CSTL1: variants seen among roughly 807,000 people sequenced by gnomAD.
CSTL1 encodes cystatin-like 1.
Under a neutral mutation model 14.4 loss-of-function variants are expected in CSTL1, and 14 were observed. That is an observed-to-expected ratio of 0.97 (90% CI 0.64 to 1.52). The LOEUF (loss-of-function observed/expected upper bound fraction) is 1.52, where lower values mean the gene tolerates loss of function less well. CSTL1 is among the 40% of genes most tolerant of loss of function. The pLI is 0.00. For missense variants in CSTL1, 170 were observed against 168.7 expected (o/e 1.01, Z -0.04); for synonymous variants, 72 against 67.5 (o/e 1.07, Z -0.33).
In CSTL1 at chr20:23,444,929, C is replaced by A; in HGVS notation, c.*51C>A. 1 of 1,237,838 alleles carries A rather than the reference C, an allele frequency of 8.1e-7. No individual in the cohort carries two copies. Among genetic ancestry groups the A allele is most frequent in the South Asian group, 1.2e-5 (1 of 83,152 alleles). The allele number at this position is 1,237,838 out of a possible 1,614,324, so 76.7% of individuals were successfully genotyped here. ...TGGCTGTTATTAAACTGTAAAGGAT[C>A]ATGTCTCCCTCATTGGGGTCTTATT... is the stretch of plus-strand genomic sequence containing the variant. On this transcript the variant is annotated 3_prime_UTR_variant, in exon 4 of 4. Coordinates refer to ENST00000347397, the MANE Select transcript of CSTL1 (RefSeq NM_138283.1).
chr20:23,439,932 C>G (rs533415056), intron 1 of CSTL1, 126 bp downstream of exon 1: 115 of 330,840 alleles, frequency 3.5e-4, no homozygotes, highest in Non-Finnish European at 5.6e-4. Flanking sequence ...AACCCCAGCT[C>G]TTATTGCAGA....
chr20:23,459,547 A>ACG, the CSTL1 span: 7 of 150,540 alleles, frequency 4.6e-5, no homozygotes, highest in African/African-American at 9.8e-5. Context: ...GACAATGTTC[A>ACG]CACACACACA....
chr20:23,446,083 C>A (rs1486433501), downstream of CSTL1, among the ~76,000 whole-genome samples: 1 of 152,170 alleles, frequency 6.6e-6, no homozygotes, highest in African/African-American at 2.4e-5. Flanking sequence ...AAATTCCAGA[C>A]TCCCAGAGGA....
downstream of CSTL1, among the ~76,000 whole-genome samples, chr20:23,445,701 C>T (rs1317430684): frequency 6.6e-6 from 1 of 152,164 alleles, no homozygotes; most frequent in Admixed American, 6.5e-5. Context: ...TATTTCTTCC[C>T]AGCACACACA....
chr20:23,450,004 A>C, the CSTL1 span, among the ~76,000 whole-genome samples: 7 of 152,270 alleles, frequency 4.6e-5, no homozygotes, highest in East Asian at 1.4e-3. Flanking sequence ...TATCAGTAGC[A>C]AAGGCCTTGT....
chr20:23,440,533 A>T (rs1009462768), intron 2 of CSTL1, 47 bp downstream of exon 2: 3 of 1,412,234 alleles, frequency 2.1e-6, no homozygotes, highest in Non-Finnish European at 3.0e-6. Context: ...TGTTCTTGCC[A>T]GTTCAGACAT....
the CSTL1 span, chr20:23,451,714 C>A: frequency 1.2e-6 from 1 of 840,320 alleles, no homozygotes; most frequent in Admixed American, 2.3e-5. Context: ...TTCAAGCCAG[C>A]TTGAGTAAAT....
chr20:23,451,172 C>CT, the CSTL1 span, among the ~76,000 whole-genome samples: 1 of 152,236 alleles, frequency 6.6e-6, no homozygotes, highest in Non-Finnish European at 1.5e-5. Context: ...TTTGCTTCCT[C>CT]TCCCTCAGTG....
At chr20:23,452,832 G>A in the CSTL1 span, 1 of 1,580,104 alleles carries the variant, frequency 6.3e-7, no homozygotes, top group Non-Finnish European at 8.7e-7. Flanking sequence ...CAGAGGAACA[G>A]GAAGAGTGTT....
rs1303482240 is a variant in CSTL1 at position 23,444,770 on chromosome 20, G to A, written c.331-1G>A. On this transcript the variant is annotated splice_acceptor_variant, in intron 3 of 3. Transcript: ENST00000347397. LOFTEE classifies it high-confidence loss of function. ...AGTCTGTTTTCTTTCTTCTTCTACA[G>A]AGTTTAATTTGCGAGTCTTTGATAT... is the stretch of plus-strand genomic sequence containing the variant. 1 of 1,599,494 alleles carries A rather than the reference G, an allele frequency of 6.3e-7. No individual in the cohort carries two copies. The highest frequency in any genetic ancestry group is 2.2e-5 in the East Asian group (1 of 44,814).
At chr20:23,449,181 A>T (rs1987023901), downstream of CSTL1, among the ~76,000 whole-genome samples, 1 of 152,196 alleles carries the variant, frequency 6.6e-6, no homozygotes, top group Non-Finnish European at 1.5e-5. Context: ...ATAGTCTCTC[A>T]AATCTCACAC....
chr20:23,453,241 G>A, the CSTL1 span, among the ~76,000 whole-genome samples: 4 of 151,954 alleles, frequency 2.6e-5, no homozygotes, highest in South Asian at 2.1e-4. Flanking sequence ...GGGAGGGGCC[G>A]CCTGCACCGG....
downstream of CSTL1, among the ~76,000 whole-genome samples, chr20:23,448,229 AACT>A (rs1382247421): frequency 6.6e-6 from 1 of 152,122 alleles, no homozygotes; most frequent in Admixed American, 6.5e-5. Flanking sequence ...TGTTTTACCA[AACT>A]TTATGGCATT....
the CSTL1 span, chr20:23,452,535 C>G: frequency 8.2e-7 from 1 of 1,223,606 alleles, no homozygotes; most frequent in Admixed American, 1.7e-5. Flanking sequence ...AGTGGCCACC[C>G]GATGTGGGCG....
chr20:23,444,862 G>C lies in CSTL1; in HGVS notation c.422G>C (p.Gly141Ala), dbSNP rs1331303229. The change falls in exon 4 of 4, where the codon GGC becomes GCC. Residue 141 changes from glycine to alanine, a missense_variant. Transcript: ENST00000347397. ...TCCTGTCTGGAGGCCGAGCATGTGG[G>C]CAGAAACCTCAGATGAGGGCTCATA... ...NNSCLEAEHVGRNLR is the reference protein window; with the variant it reads ...NNSCLEAEHVARNLR The C allele has an allele frequency of 6.2e-7, 1 of 1,612,092 alleles. No individual in the cohort carries two copies. Among genetic ancestry groups the C allele is most frequent in the East Asian group, 2.2e-5 (1 of 44,884 alleles).
At chr20:23,455,072 T>G in the CSTL1 span, among the ~76,000 whole-genome samples, 1 of 152,142 alleles carries the variant, frequency 6.6e-6, no homozygotes, top group African/African-American at 2.4e-5. Context: ...AGCAGCTCTA[T>G]TGGAACATGA....
At chr20:23,444,107 G>T in intron 3 of CSTL1, 63 bp downstream of exon 3, 1 of 1,480,862 alleles carries the variant, frequency 6.8e-7, no homozygotes, top group Non-Finnish European at 9.4e-7. Flanking sequence ...GCAACAGCTA[G>T]AAGTTGGCAG....
the CSTL1 span, chr20:23,452,725 T>G: frequency 1.2e-6 from 2 of 1,614,200 alleles, no homozygotes; most frequent in East Asian, 2.2e-5. Flanking sequence ...TTAGAAAGGT[T>G]TTCTTCCTTG....
rs1986802459 is a variant in CSTL1, at chr20:23,440,492, T to C, written c.219+6T>C. 31 of 1,601,164 alleles carry C rather than the reference T, an allele frequency of 1.9e-5. No homozygotes were observed. In the East Asian group the frequency reaches 6.2e-4, roughly 32 times the overall value. On this transcript the variant is annotated splice_donor_region_variant and intron_variant, in intron 2 of 3. Transcript: ENST00000347397. Reference sequence around the variant, plus strand: ...TAATTCGAAGTCAGATGCAGGTTTGTACCTTGCTCTCCCAAGACATCAGCA... The same window carrying C: ...TAATTCGAAGTCAGATGCAGGTTTGCACCTTGCTCTCCCAAGACATCAGCA...
Sources: allele counts gnomAD v4.1 joint callset (sites outside exome capture counted in the v4.1 genomes callset), GRCh38; gene constraint gnomAD v4.1.1; transcripts MANE v1.5; gene names NCBI Gene and HGNC (gene_info 2026-07-23, HGNC 2026-07-21).